MACROD2: variants seen among roughly 807,000 people sequenced by gnomAD.
MACROD2 encodes the protein mono-ADP ribosylhydrolase 2, also known as ADP-ribose glycohydrolase MACROD2.
In MACROD2, 36 loss-of-function variants were observed where a neutral mutation model predicts 70.4. The ratio of observed to expected loss-of-function variants is 0.51; its 90% CI spans 0.39 to 0.68. MACROD2 has a LOEUF of 0.68. Ranked by LOEUF, MACROD2 falls within the 30% of genes least tolerant of loss-of-function variation. MACROD2 has a pLI of 0.00. For synonymous variants in MACROD2, 172 were observed against 178.8 expected, an observed-to-expected ratio of 0.96 and a Z score of 0.30; for missense variants, 496 against 538.4, an observed-to-expected ratio of 0.92 and a Z score of 0.78.
chr20:15,188,948 C>T (rs1191723592), intron 5 of MACROD2, among the ~76,000 whole-genome samples: 1 of 152,176 alleles, frequency 6.6e-6, no homozygotes, highest in Admixed American at 6.5e-5. Context: ...TGGTAAATGT[C>T]ACAGACATCA....
intron 7 of MACROD2, among the ~76,000 whole-genome samples, chr20:15,481,292 G>T (rs992186839): frequency 1.3e-5 from 2 of 152,170 alleles, no homozygotes; most frequent in Non-Finnish European, 2.9e-5. Flanking sequence ...AAGCAAACCA[G>T]GAAGGTATCT....
At chr20:14,681,547 T>C (rs1220563016) in intron 4 of MACROD2, among the ~76,000 whole-genome samples, 2 of 152,148 alleles carry the variant, frequency 1.3e-5, no homozygotes, top group African/African-American at 4.8e-5. Flanking sequence ...AAAACAGTTC[T>C]GGTGATCAAA....
At chr20:15,755,157 C>T (rs946361383) in intron 8 of MACROD2, among the ~76,000 whole-genome samples, 1 of 152,140 alleles carries the variant, frequency 6.6e-6, no homozygotes, top group African/African-American at 2.4e-5. Context: ...CCGCACACAG[C>T]CAGGAATTTG....
intron 3 of MACROD2, among the ~76,000 whole-genome samples, chr20:14,381,040 C>T (rs1310589291): frequency 6.6e-6 from 1 of 152,110 alleles, no homozygotes; most frequent in Non-Finnish European, 1.5e-5. Flanking sequence ...AGTTCATCTC[C>T]TGATTTATAA....
intron 10 of MACROD2, among the ~76,000 whole-genome samples, chr20:15,899,250 A>G (rs911148812): frequency 6.6e-6 from 1 of 152,092 alleles, no homozygotes; most frequent in African/African-American, 2.4e-5. Context: ...GTGTATATGT[A>G]CACACGTGTA....
chr20:15,307,020 G>C (rs1022926692), intron 6 of MACROD2, among the ~76,000 whole-genome samples: 3 of 151,924 alleles, frequency 2.0e-5, no homozygotes, highest in Admixed American at 2.0e-4. Flanking sequence ...GAGAAACAGG[G>C]GTCTCTTTTA....
chr20:15,034,427 G>A (rs1043081467), intron 5 of MACROD2, among the ~76,000 whole-genome samples: 1 of 152,112 alleles, frequency 6.6e-6, no homozygotes, highest in Non-Finnish European at 1.5e-5. Context: ...GAACACTTTA[G>A]GAATTCACCT....
At chr20:14,114,513 G>A (rs2054491463) in intron 3 of MACROD2, among the ~76,000 whole-genome samples, 1 of 152,066 alleles carries the variant, frequency 6.6e-6, no homozygotes, top group Non-Finnish European at 1.5e-5. Flanking sequence ...ATCTTCTCTA[G>A]GCATCTGTAG....
chr20:15,665,787 C>A (rs1419550093), intron 8 of MACROD2, among the ~76,000 whole-genome samples: 1 of 152,172 alleles, frequency 6.6e-6, no homozygotes, highest in Non-Finnish European at 1.5e-5. Context: ...CTTGTTTATA[C>A]ATATGAGACT....
intron 6 of MACROD2, among the ~76,000 whole-genome samples, chr20:15,231,360 A>G (rs571531672): frequency 1.3e-5 from 2 of 152,156 alleles, no homozygotes; most frequent in East Asian, 1.9e-4. Flanking sequence ...TTTGTTCTCT[A>G]TAGGAAAATA....
intron 8 of MACROD2, among the ~76,000 whole-genome samples, chr20:15,590,979 GA>G (rs1034360114): frequency 1.3e-5 from 2 of 150,568 alleles, no homozygotes; most frequent in Admixed American, 6.7e-5. Context: ...AAGAAAGAAA[GA>G]AAAGAAGAGA....
intron 3 of MACROD2, among the ~76,000 whole-genome samples, chr20:14,152,063 T>G (rs2055031808): frequency 6.6e-6 from 1 of 151,802 alleles, no homozygotes; most frequent in Admixed American, 6.6e-5. Flanking sequence ...CCTCATGATC[T>G]GCCCGCGTCA....
chr20:14,167,910 G>A (rs571122938), intron 3 of MACROD2, among the ~76,000 whole-genome samples: 1 of 152,086 alleles, frequency 6.6e-6, no homozygotes, highest in African/African-American at 2.4e-5. Context: ...TGTATAAAGC[G>A]TAATAATTGG....
chr20:15,505,375 C>T (rs80059823), intron 8 of MACROD2, among the ~76,000 whole-genome samples: 2,852 of 152,216 alleles, frequency 0.019, 42 homozygotes, highest in Middle Eastern at 0.058. Context: ...CCCTAAAGTA[C>T]TGATCAAGGA....
intron 5 of MACROD2, among the ~76,000 whole-genome samples, chr20:15,081,029 C>T (rs1455994030): frequency 6.6e-6 from 1 of 152,058 alleles, no homozygotes; most frequent in Non-Finnish European, 1.5e-5. Flanking sequence ...CATAAGCTCC[C>T]AGAGGCCAGG....
At chr20:15,206,193 A>G (rs571043651) in intron 5 of MACROD2, among the ~76,000 whole-genome samples, 1 of 152,334 alleles carries the variant, frequency 6.6e-6, no homozygotes, top group South Asian at 2.1e-4. Context: ...TATTGAATAT[A>G]TTGGTTCATT....
chr20:14,675,461 A>T (rs1369278393), intron 4 of MACROD2, among the ~76,000 whole-genome samples: 1 of 152,184 alleles, frequency 6.6e-6, no homozygotes, highest in Non-Finnish European at 1.5e-5. Flanking sequence ...ACTAAGCTTC[A>T]TAAGTGAAGG....
At chr20:14,555,462 A>G (rs1020395575) in intron 4 of MACROD2, among the ~76,000 whole-genome samples, 1 of 151,914 alleles carries the variant, frequency 6.6e-6, no homozygotes, top group African/African-American at 2.4e-5. Flanking sequence ...GCATTTTCTG[A>G]GCCAGGTACT....
chr20:15,757,016 A>T (rs904962328), intron 8 of MACROD2, among the ~76,000 whole-genome samples: 5 of 152,186 alleles, frequency 3.3e-5, no homozygotes, highest in African/African-American at 1.2e-4. Flanking sequence ...GGTAATTATG[A>T]TTTATTTAAA....
Sources: allele counts gnomAD v4.1 joint callset (sites outside exome capture counted in the v4.1 genomes callset), GRCh38; gene constraint gnomAD v4.1.1; transcripts MANE v1.5; gene names NCBI Gene and HGNC (gene_info 2026-07-23, HGNC 2026-07-21).